The following GCH1 variants were observed in gnomAD, a reference collection of about 807,000 sequenced individuals.
The protein encoded by GCH1 is GTP cyclohydrolase 1, also known as GTP cyclohydrolase I.
GCH1 carries 5 observed loss-of-function variants against 25.9 expected under a neutral mutation model. The ratio of observed to expected loss-of-function variants is 0.19; its 90% CI spans 0.10 to 0.41. The LOEUF (loss-of-function observed/expected upper bound fraction) is 0.41, where lower values mean the gene tolerates loss of function less well. Ranked by LOEUF, GCH1 falls within the 10% of genes least tolerant of loss-of-function variation. The pLI is 1.00. For missense variants in GCH1, 261 were observed against 336.5 expected, an observed-to-expected ratio of 0.78 and a Z score of 1.75; for synonymous variants, 159 against 129.6, an observed-to-expected ratio of 1.23 and a Z score of -1.54.
intron 1 of GCH1, among the ~76,000 whole-genome samples, chr14:54,875,763 C>A (rs1274356766): frequency 1.3e-5 from 2 of 152,144 alleles, no homozygotes; most frequent in African/African-American, 4.8e-5. Flanking sequence ...TCATCACTGG[C>A]CATCAGAGAA....
intron 2 of GCH1, among the ~76,000 whole-genome samples, chr14:54,862,187 C>T (rs1785644598): frequency 6.6e-6 from 1 of 151,984 alleles, no homozygotes; most frequent in African/African-American, 2.4e-5. Context: ...ATGCACCCAC[C>T]ATGCCCAATT....
At chr14:54,854,139 T>C (rs942363341) in intron 3 of GCH1, among the ~76,000 whole-genome samples, 6 of 152,276 alleles carry the variant, frequency 3.9e-5, no homozygotes, top group Non-Finnish European at 7.3e-5. Context: ...TTGTGATTTC[T>C]GTTCTTTGGC....
chr14:54,869,707 C>T (rs2183083), intron 1 of GCH1, among the ~76,000 whole-genome samples: 6,395 of 152,074 alleles, frequency 0.042, 497 homozygotes, highest in African/African-American at 0.15. Context: ...CTGGAACTCC[C>T]GACCTCAGGT....
At chr14:54,862,327 G>A (rs1300078707) in intron 2 of GCH1, among the ~76,000 whole-genome samples, 1 of 151,252 alleles carries the variant, frequency 6.6e-6, no homozygotes, top group Non-Finnish European at 1.5e-5. Context: ...CACCTCACTC[G>A]GCCCTGATGT....
rs1365725110 is a variant in GCH1 at position 54,885,913 on chromosome 14, A to AC, written c.343+16407_343+16408insG. 1.2e-4 allele frequency: 22 copies of AC among 191,184 alleles called. No individual in the cohort carries two copies. In the Admixed American group the frequency reaches 1.2e-3, roughly 10 times the overall value. 11.8% of individuals were successfully genotyped at this position (191,184 alleles called of 1,614,324 possible). A position where few individuals can be genotyped will look rare whatever the true frequency, so the allele number is the denominator to read the frequency against. ...CAAAAAACAAACAACAACAACAACA[A>AC]AAAAAAACGGGCAAGCTTACAGCAG... On this transcript the variant is annotated intron_variant, in intron 1 of 5. Coordinates refer to ENST00000491895, the MANE Select transcript of GCH1 (RefSeq NM_000161.3).
At chr14:54,858,091 A>G (rs2039839168) in intron 3 of GCH1, among the ~76,000 whole-genome samples, 1 of 152,110 alleles carries the variant, frequency 6.6e-6, no homozygotes, top group Non-Finnish European at 1.5e-5. Flanking sequence ...AAAACAAAGT[A>G]ACAGGAACAA....
rs139735934 is a variant in GCH1, at chr14:54,850,021, C to A, written c.510-2891G>T. ...ACGGAGTCTTGCTCTGTTGCCCAGG[C>A]TGGAGTGCAGCAGCACAATCTTAGC... On this transcript the variant is annotated intron_variant, in intron 3 of 5. Coordinates refer to ENST00000491895, the MANE Select transcript of GCH1 (RefSeq NM_000161.3). 2.5e-3 allele frequency among the ~76,000 whole-genome samples: 374 copies of A among 152,234 alleles called. 1 individual carries two copies. The highest frequency in any genetic ancestry group is 4.6e-3 in the Non-Finnish European group (312 of 68,024).
At position 54,843,637 on chromosome 14, in the gene GCH1, A is replaced by G; in HGVS notation, c.*380T>C. On this transcript the variant is annotated 3_prime_UTR_variant, in exon 6 of 6. Transcript: ENST00000491895. The stretch of plus-strand genomic sequence containing the variant: ...CTTTTATTGGAGGAAGAAAAAAAAC[A>G]GTATACTGGGCACAGTTCCCTCTCA... The G allele has an allele frequency of 1.3e-6, 2 of 1,511,916 alleles. No individual in the cohort carries two copies. Among genetic ancestry groups the G allele is most frequent in the South Asian group, 1.4e-5 (1 of 73,800 alleles). 93.7% of individuals were successfully genotyped at this position (1,511,916 alleles called of 1,614,324 possible). A position where few individuals can be genotyped will look rare whatever the true frequency, so the allele number is the denominator to read the frequency against.
At chr14:54,853,738 ATTT>A (rs139519431) in intron 3 of GCH1, among the ~76,000 whole-genome samples, 10 of 146,660 alleles carry the variant, frequency 6.8e-5, no homozygotes, top group Non-Finnish European at 1.2e-4. Context: ...TTTGCCTATC[ATTT>A]TTTTTTTTTA....
rs544762321 is a variant in GCH1 at position 54,860,918 on chromosome 14, A to G, written c.454-1182T>C. 9.5e-4 allele frequency among the ~76,000 whole-genome samples: 144 copies of G among 152,330 alleles called. 1 individual carries two copies. The highest frequency in any genetic ancestry group is 3.4e-3 in the African/African-American group (140 of 41,576). ...CCTGCACCCTAAGAACTAAGTTTTA[A>G]AGGACCCAATATACAGCCAGGCCAT... is the stretch of plus-strand genomic sequence containing the variant. On this transcript the variant is annotated intron_variant, in intron 2 of 5. Transcript: ENST00000491895.
chr14:54,897,004 C>CTTTTTTTTT lies in GCH1; in HGVS notation c.343+5316_343+5317insAAAAAAAAA, dbSNP rs1264967638. On this transcript the variant is annotated intron_variant, in intron 1 of 5. Coordinates refer to ENST00000491895, the MANE Select transcript of GCH1 (RefSeq NM_000161.3). ...GACTGATCTTATCCATTCTACTCCA[C>CTTTTTTTTT]TTTTTGTTTTTTTTTTTTTTTTTTG... is the stretch of plus-strand genomic sequence containing the variant. Among the ~76,000 whole-genome samples, 19 of 115,946 alleles carry CTTTTTTTTT rather than the reference C, an allele frequency of 1.6e-4. 1 individual carries two copies. Among genetic ancestry groups the CTTTTTTTTT allele is most frequent in the African/African-American group, 3.5e-4 (9 of 25,774 alleles). 76.1% of individuals were successfully genotyped at this position (115,946 alleles called of 152,430 possible).
chr14:54,861,591 C>A (rs1448744361), intron 2 of GCH1, among the ~76,000 whole-genome samples: 3 of 151,848 alleles, frequency 2.0e-5, no homozygotes, highest in Non-Finnish European at 4.4e-5. Context: ...GGCGTGGTGG[C>A]GGGTGCCTGT....
chr14:54,870,587 T>C (rs2040058220), intron 1 of GCH1, among the ~76,000 whole-genome samples: 1 of 152,108 alleles, frequency 6.6e-6, no homozygotes, highest in Non-Finnish European at 1.5e-5. Flanking sequence ...GTCAGGGAAT[T>C]CCCTTTCCTA....
chr14:54,859,290 C>T (rs771557240), intron 3 of GCH1: 9 of 247,924 alleles, frequency 3.6e-5, no homozygotes, highest in South Asian at 2.8e-4. Context: ...ACAACAAGTT[C>T]GACAGCAGAG....
At chr14:54,851,325 G>C (rs1002117222) in intron 3 of GCH1, among the ~76,000 whole-genome samples, 2 of 152,168 alleles carry the variant, frequency 1.3e-5, no homozygotes, top group African/African-American at 4.8e-5. Context: ...AGGACTTCAT[G>C]ACTAAAACAC....
intron 1 of GCH1, among the ~76,000 whole-genome samples, chr14:54,876,964 A>C (rs41298428): frequency 1.6e-3 from 242 of 152,324 alleles, no homozygotes; most frequent in Non-Finnish European, 2.6e-3. Flanking sequence ...AATTAAATCA[A>C]AGAGAAAAAA....
chr14:54,843,536 C>A lies in GCH1; in HGVS notation c.*481G>T, dbSNP rs1279742290. The A allele has an allele frequency of 1.5e-6, 2 of 1,337,834 alleles. No individual in the cohort carries two copies. The highest frequency in any genetic ancestry group is 1.5e-5 in the African/African-American group (1 of 67,480). The allele number at this position is 1,337,834 out of a possible 1,614,324, so 82.9% of individuals were successfully genotyped here. ...TCACTGGTGGTTTAATAAACATGAC[C>A]AAAGTGAAGTCTGTTGAACTTGAAT... On this transcript the variant is annotated 3_prime_UTR_variant, in exon 6 of 6. Coordinates refer to ENST00000491895, the MANE Select transcript of GCH1 (RefSeq NM_000161.3).
At chr14:54,875,430 A>G (rs979678860) in intron 1 of GCH1, among the ~76,000 whole-genome samples, 1 of 152,252 alleles carries the variant, frequency 6.6e-6, no homozygotes, top group Non-Finnish European at 1.5e-5. Flanking sequence ...CTTCATGTCT[A>G]AAACACCAAA....
At chr14:54,879,655 A>G (rs61702394) in intron 1 of GCH1, among the ~76,000 whole-genome samples, 32,649 of 152,016 alleles carry the variant, frequency 0.21, 4,887 homozygotes, top group East Asian at 0.42. Flanking sequence ...AAATTAAGTA[A>G]AAACAATGTT....
Sources: allele counts gnomAD v4.1 joint callset (sites outside exome capture counted in the v4.1 genomes callset), GRCh38; gene constraint gnomAD v4.1.1; transcripts MANE v1.5; gene names NCBI Gene and HGNC (gene_info 2026-07-23, HGNC 2026-07-21).